GET4: variants seen among roughly 807,000 people sequenced by gnomAD.
GET4 encodes Golgi to ER traffic protein 4 homolog.
In GET4, 20 loss-of-function variants were observed where a neutral mutation model predicts 40.0. That is an observed-to-expected ratio of 0.50 (90% CI 0.35 to 0.73). The LOEUF is 0.73. Ranked by LOEUF, GET4 falls within the 30% of genes least tolerant of loss-of-function variation. The pLI is 0.01. For missense variants in GET4, 557 were observed against 454.0 expected, an observed-to-expected ratio of 1.23 and a Z score of -2.06; for synonymous variants, 280 against 194.6, an observed-to-expected ratio of 1.44 and a Z score of -3.65.
At chr7:894,769 A>G (rs1001742218) in intron 8 of GET4, among the ~76,000 whole-genome samples, 2 of 152,218 alleles carry the variant, frequency 1.3e-5, no homozygotes, top group Non-Finnish European at 2.9e-5. Flanking sequence ...TTCAAAGAAC[A>G]CGGTGTAACG....
chr7:895,496 C>A lies in GET4; in HGVS notation c.*74C>A. 1 of 752,064 alleles carries A rather than the reference C, an allele frequency of 1.3e-6. No individual in the cohort carries two copies. Among genetic ancestry groups the A allele is most frequent in the Non-Finnish European group, 2.3e-6 (1 of 442,242 alleles). The allele number at this position is 752,064 out of a possible 1,614,324, so 46.6% of individuals were successfully genotyped here. On this transcript the variant is annotated 3_prime_UTR_variant, in exon 9 of 9. Coordinates refer to ENST00000265857, the MANE Select transcript of GET4 (RefSeq NM_015949.3). Reference sequence around the variant, plus strand: ...CGTTTCAGAGGCGAGTCCTGGGTGGCTCCTCGCCTTGGGGGCTCCTGGCCC... The same window carrying A: ...CGTTTCAGAGGCGAGTCCTGGGTGGATCCTCGCCTTGGGGGCTCCTGGCCC...
chr7:890,375 C>T (rs1346393499), intron 4 of GET4, among the ~76,000 whole-genome samples: 2 of 27,152 alleles, frequency 7.4e-5, no homozygotes, highest in African/African-American at 2.9e-4. Flanking sequence ...GGTGTCAGGA[C>T]GGGGTCTGGG....
In GET4 at chr7:893,779, C is replaced by T. The variant is rs772862887; in HGVS notation, c.786C>T (p.Tyr262=). 17 of 1,611,080 alleles carry T rather than the reference C, an allele frequency of 1.1e-5. No homozygotes were observed. The highest frequency in any genetic ancestry group is 1.3e-5 in the Non-Finnish European group (15 of 1,178,038). The part of the protein sequence containing the change: ...LTVFTVLCEQ[Y]QPSLRRDPMY... ...TGTTCACTGTGCTGTGTGAGCAGTA[C>T]CAGCCATCCCTCCGGCGGGACCCCA... The change falls in exon 7 of 9, where the codon TAC becomes TAT. Residue 262 remains tyrosine, a synonymous_variant. Coordinates refer to ENST00000265857, the MANE Select transcript of GET4 (RefSeq NM_015949.3).
At chr7:885,110 T>C (rs1265540502) in intron 1 of GET4, 2 of 152,248 alleles carry the variant, frequency 1.3e-5, no homozygotes, top group African/African-American at 2.4e-5. Context: ...GTATTTTTCT[T>C]TAACTAGATT....
At chr7:889,763 G>A (rs369809886) in intron 4 of GET4, among the ~76,000 whole-genome samples, 9,132 of 77,252 alleles carry the variant, frequency 0.12, 1,104 homozygotes, top group African/African-American at 0.21. Context: ...GAGGGAGCGC[G>A]AGCGGGTGTT....
chr7:894,886 A>G (rs1171263505), intron 8 of GET4, among the ~76,000 whole-genome samples: 1 of 152,184 alleles, frequency 6.6e-6, no homozygotes, highest in African/African-American at 2.4e-5. Flanking sequence ...CCCCTGTGGG[A>G]GCAGCCGTTG....
rs1452552026 is a variant in GET4, at chr7:886,147, G to C, written c.234+13G>C. ...CAGCCATGGCCAGGTAAGCCGTCTT[G>C]CTTCCTCCTGCATCCCTTTCTGCTC... is the stretch of plus-strand genomic sequence containing the variant. On this transcript the variant is annotated intron_variant, in intron 2 of 8. Transcript: ENST00000265857. The C allele has an allele frequency of 3.9e-6, 6 of 1,547,408 alleles. No homozygotes were observed. The East Asian group carries it at 1.3e-4, about 35-fold the overall frequency.
chr7:895,275 G>A (rs1392488764), intron 8 of GET4, 59 bp from the exon 9 acceptor site: 2 of 812,882 alleles, frequency 2.5e-6, no homozygotes, highest in East Asian at 5.2e-5. Flanking sequence ...GGGAAGGAGG[G>A]GCTTGGGGGC....
chr7:886,526 C>T (rs551898862), intron 2 of GET4, 43 bp from the exon 3 acceptor site: 52 of 1,439,748 alleles, frequency 3.6e-5, no homozygotes, highest in African/African-American at 9.8e-5. Context: ...CTGAACAGGT[C>T]AGGGCTTTGT....
chr7:892,593 G>A lies in GET4; in HGVS notation c.746+175G>A, dbSNP rs117910225. ...TAGACGTGGCATAGGTGTGTGTGCA[G>A]GTCTGTTGGGTGTAGACATGGTAGT... On this transcript the variant is annotated intron_variant, in intron 6 of 8. Transcript: ENST00000265857. The A allele has an allele frequency of 1.2e-3, 719 of 596,114 alleles. 1 individual carries two copies. Among genetic ancestry groups the A allele is most frequent in the Non-Finnish European group, 1.8e-3 (601 of 342,024 alleles). The allele number at this position is 596,114 out of a possible 1,614,324, so 36.9% of individuals were successfully genotyped here. A position where few individuals can be genotyped will look rare whatever the true frequency, so the allele number is the denominator to read the frequency against.
At chr7:893,078 G>A (rs1332741586) in intron 6 of GET4, among the ~76,000 whole-genome samples, 17 of 146,480 alleles carry the variant, frequency 1.2e-4, no homozygotes, top group Non-Finnish European at 2.2e-4. Context: ...GTGTGCAGGC[G>A]AGTGTTGGGT....
intron 1 of GET4, chr7:884,803 G>C (rs1168538637): frequency 1.3e-5 from 2 of 158,744 alleles, no homozygotes; most frequent in South Asian, 3.4e-4. Flanking sequence ...TTTGTTTTGG[G>C]GGGATGGCGC....
chr7:893,523 T>G (rs1388797279), intron 6 of GET4, among the ~76,000 whole-genome samples: 3 of 132,916 alleles, frequency 2.3e-5, no homozygotes, highest in Non-Finnish European at 4.8e-5. Context: ...CAGGTGAGTG[T>G]TGGGTGTAGG....
chr7:892,971 G>A (rs891208121), intron 6 of GET4, among the ~76,000 whole-genome samples: 1 of 151,490 alleles, frequency 6.6e-6, no homozygotes, highest in Non-Finnish European at 1.5e-5. Context: ...CAGGTGTTGG[G>A]TGTTTGCAGG....
chr7:882,771 G>A (rs560887072), intron 1 of GET4: 1 of 152,576 alleles, frequency 6.6e-6, no homozygotes, highest in South Asian at 2.1e-4. Flanking sequence ...AGGCCAACTG[G>A]ATTATTGGGG....
At chr7:884,448 C>A in intron 1 of GET4, 2 of 1,043,312 alleles carry the variant, frequency 1.9e-6, no homozygotes, top group Non-Finnish European at 2.6e-6. Context: ...AAACCGGAGG[C>A]CTGCCAACGG....
chr7:876,870 G>T, intron 1 of GET4, 70 bp downstream of exon 1: 1 of 870,690 alleles, frequency 1.1e-6, no homozygotes, highest in Non-Finnish European at 1.4e-6. Flanking sequence ...GCGCCGCCTC[G>T]CCCCGCGCCC....
chr7:887,914 A>C (rs1365950649), intron 4 of GET4, among the ~76,000 whole-genome samples: 3 of 151,906 alleles, frequency 2.0e-5, no homozygotes, highest in Non-Finnish European at 4.4e-5. Context: ...GGGATTAATC[A>C]CCCTGTGGTG....
intron 1 of GET4, among the ~76,000 whole-genome samples, chr7:878,809 G>T (rs1381652797): frequency 1.3e-5 from 2 of 152,180 alleles, no homozygotes; most frequent in African/African-American, 2.4e-5. Flanking sequence ...TCGAACTCCT[G>T]ACCTCGCGAT....
Sources: gnomAD v4.1 joint callset for allele counts (sites outside exome capture counted in the v4.1 genomes callset) on GRCh38, gnomAD v4.1.1 for gene constraint, MANE v1.5 for transcripts, NCBI Gene and HGNC (gene_info 2026-07-23, HGNC 2026-07-21) for gene names.